Variants in AKR7A2 observed in about 807,000 individuals in gnomAD.
The protein encoded by AKR7A2 is aldo-keto reductase family 7 member A2.
A neutral mutation model predicts 37.3 loss-of-function variants in AKR7A2; 29 were observed. The ratio of observed to expected loss-of-function variants is 0.78; its 90% CI spans 0.58 to 1.06. The LOEUF (loss-of-function observed/expected upper bound fraction) is 1.06, where lower values mean the gene tolerates loss of function less well. Ranked by LOEUF, AKR7A2 falls within the 50% of genes least tolerant of loss-of-function variation. AKR7A2 has a pLI of 0.00. For synonymous variants in AKR7A2, 228 were observed against 217.8 expected (o/e 1.05, Z -0.41); for missense variants, 529 against 497.9 (o/e 1.06, Z -0.59).
intron 1 of AKR7A2, among the ~76,000 whole-genome samples, chr1:19,309,017 G>T (rs1219169091): frequency 6.6e-6 from 1 of 152,182 alleles, no homozygotes; most frequent in African/African-American, 2.4e-5. Context: ...GCCCAGATGA[G>T]ATGCATGAAG....
In AKR7A2 at chr1:19,304,241, G is replaced by C. The variant is rs758307671; in HGVS notation, c.1064C>G (p.Pro355Arg). 2.5e-6 allele frequency: 4 copies of C among 1,614,018 alleles called. No homozygotes were observed. Among genetic ancestry groups the C allele is most frequent in the Non-Finnish European group, 2.5e-6 (3 of 1,180,024 alleles). The change falls in exon 7 of 7, where the codon CCC (proline) becomes CGC (arginine). Residue 355 changes from proline (P) to arginine (R), a missense_variant. Transcript: ENST00000235835. ...ATGATGGGCCTAGCGGAAGTAGTTGGGACATTCGTGAGCAACCAAATGCCA... is the reference window on the plus strand; with the variant it reads ...ATGATGGGCCTAGCGGAAGTAGTTGCGACATTCGTGAGCAACCAAATGCCA... ...QAWHLVAHECPNYFR is the reference protein window; with the variant it reads ...QAWHLVAHECRNYFR
intron 1 of AKR7A2, among the ~76,000 whole-genome samples, chr1:19,309,093 A>G (rs1188091627): frequency 6.6e-6 from 1 of 152,226 alleles, no homozygotes; most frequent in Non-Finnish European, 1.5e-5. Context: ...GCCAACAAGG[A>G]AGAGCAGGAA....
intron 3 of AKR7A2, chr1:19,307,797 T>A (rs930577474): frequency 2.0e-6 from 1 of 494,530 alleles, no homozygotes; most frequent in Non-Finnish European, 3.7e-6. Flanking sequence ...AAGATGAGAT[T>A]TGGAGACTGG....
In AKR7A2 at chr1:19,311,849, C is replaced by A; in HGVS notation, c.276G>T (p.Gly92=). ...TACCTCTGCAGTCGCCACCGCCCAG[C>A]CCGAGCCCCAGGCCGCCCAGGATGG... ...SETILGGLGL[G]LGGGDCRVKI... is the part of the protein sequence containing the mutation. Residue 92 remains glycine, a synonymous_variant, in exon 1 of 7, where the codon GGG becomes GGT. Transcript: ENST00000235835. 2 of 1,610,488 alleles carry A rather than the reference C, an allele frequency of 1.2e-6. No individual in the cohort carries two copies. Among genetic ancestry groups the A allele is most frequent in the South Asian group, 2.2e-5 (2 of 90,988 alleles).
chr1:19,308,538 C>T lies in AKR7A2; in HGVS notation c.403G>A (p.Val135Met), dbSNP rs6670759. The T allele has an allele frequency of 1.9e-4, 300 of 1,614,228 alleles. No homozygotes were observed. The African/African-American group carries it at 2.9e-3, about 15-fold the overall frequency. ...GGTGCGTGTAGGTAGAAGAGGTCCA[C>T]TTGGGGACACTGCAGCCTCTTCAAT... The part of the protein sequence containing the change: ...TSLKRLQCPQ[V>M]DLFYLHAPDH... The change falls in exon 2 of 7, where the codon GTG (valine) becomes ATG (methionine). Residue 135 changes from valine (V) to methionine (M), a missense_variant. Coordinates refer to ENST00000235835, the MANE Select transcript of AKR7A2 (RefSeq NM_003689.4).
rs771279276 is a variant in AKR7A2 at position 19,308,497 on chromosome 1, C to T, written c.444G>A (p.Pro148=). 2.2e-5 allele frequency: 36 copies of T among 1,614,044 alleles called. No individual in the cohort carries two copies. The African/African-American group carries it at 2.5e-4, about 11-fold the overall frequency. ...FYLHAPDHGT[P]VEETLHACQR... is the part of the protein sequence containing the mutation. ...GGCAGGCATGCAGCGTCTCTTCCAC[C>T]GGGGTGCCGTGGTCAGGTGCGTGTA... The change falls in exon 2 of 7, where the codon CCG becomes CCA. Residue 148 remains proline (P), a synonymous_variant. Transcript: ENST00000235835.
chr1:19,304,394 G>A lies in AKR7A2; in HGVS notation c.919-8C>T. 4 of 1,613,926 alleles carry A rather than the reference G, an allele frequency of 2.5e-6. No individual in the cohort carries two copies. The highest frequency in any genetic ancestry group is 3.4e-6 in the Non-Finnish European group (4 of 1,179,888). On this transcript the variant is annotated splice_region_variant and splice_polypyrimidine_tract_variant and intron_variant, in intron 6 of 6. Coordinates refer to ENST00000235835, the MANE Select transcript of AKR7A2 (RefSeq NM_003689.4). ...CGCGTCCCCGTGGGCACCCTGCAAGGGAGACGGCCAGACTTCAACCCTCTT... is the reference window on the plus strand; with the variant it reads ...CGCGTCCCCGTGGGCACCCTGCAAGAGAGACGGCCAGACTTCAACCCTCTT...
intron 3 of AKR7A2, chr1:19,307,659 T>C: frequency 1.7e-6 from 1 of 581,062 alleles, no homozygotes; most frequent in Non-Finnish European, 3.1e-6. Flanking sequence ...CAAGTAGGTA[T>C]CACAAAATCC....
At chr1:19,309,033 T>C (rs2093767480) in intron 1 of AKR7A2, among the ~76,000 whole-genome samples, 1 of 152,096 alleles carries the variant, frequency 6.6e-6, no homozygotes, top group Admixed American at 6.5e-5. Flanking sequence ...TGAAGCCAAC[T>C]TGGAGACTCC....
At chr1:19,310,510 C>A (rs1024407120) in intron 1 of AKR7A2, among the ~76,000 whole-genome samples, 2 of 152,048 alleles carry the variant, frequency 1.3e-5, no homozygotes, top group Non-Finnish European at 1.5e-5. Context: ...CCAGCCTGGC[C>A]AATATGGTGA....
chr1:19,307,095 A>G lies in AKR7A2; in HGVS notation c.695T>C (p.Leu232Pro), dbSNP rs1558138554. The change falls in exon 5 of 7, where the codon CTG becomes CCG. Residue 232 changes from leucine to proline, a missense_variant. Physicochemically the swap from Leu to Pro is moderately conservative, Grantham distance 98 (BLOSUM62 -3). Transcript: ENST00000235835. ...FYAYNPLAGG[L>P]LTGKYKYEDK... ...CTCATACTTGTACTTGCCAGTCAGC[A>G]GGCCCCCTGCGGGAAGGCAGCAATC... 3 of 1,614,212 alleles carry G rather than the reference A, an allele frequency of 1.9e-6. No individual in the cohort carries two copies. Among genetic ancestry groups the G allele is most frequent in the East Asian group, 2.2e-5 (1 of 44,890 alleles).
chr1:19,306,281 A>G, intron 5 of AKR7A2, 134 bp from the exon 6 acceptor site: 1 of 1,275,504 alleles, frequency 7.8e-7, no homozygotes, highest in African/African-American at 1.5e-5. Flanking sequence ...CTCTCTAGTC[A>G]TAGGTCTCCC....
In AKR7A2 at chr1:19,304,050, C is replaced by T; in HGVS notation, c.*175G>A. 1 of 1,093,568 alleles carries T rather than the reference C, an allele frequency of 9.1e-7. No individual in the cohort carries two copies. The highest frequency in any genetic ancestry group is 1.4e-6 in the Non-Finnish European group (1 of 739,868). The allele number at this position is 1,093,568 out of a possible 1,614,324, so 67.7% of individuals were successfully genotyped here. On this transcript the variant is annotated 3_prime_UTR_variant, in exon 7 of 7. Coordinates refer to ENST00000235835, the MANE Select transcript of AKR7A2 (RefSeq NM_003689.4). ...GGAAGCGCTCAAGTGGGACTCACCC[C>T]CCACCTTTCACAGTGTAAAGTGAAT...
At position 19,304,006 on chromosome 1, in the gene AKR7A2, G is replaced by A. The variant is rs1569682888; in HGVS notation, c.*219C>T. The stretch of plus-strand genomic sequence containing the variant: ...AAGACCTAGGCTACAGCCAGGTCAA[G>A]TGCCTGCTTTATTCAACAGGAAGCG... On this transcript the variant is annotated 3_prime_UTR_variant, in exon 7 of 7. Coordinates refer to ENST00000235835, the MANE Select transcript of AKR7A2 (RefSeq NM_003689.4). 1.4e-6 allele frequency: 1 copy of A among 722,458 alleles called. No individual in the cohort carries two copies. The highest frequency in any genetic ancestry group is 2.3e-6 in the Non-Finnish European group (1 of 431,364). 44.8% of individuals were successfully genotyped at this position (722,458 alleles called of 1,614,324 possible).
At chr1:19,307,538 G>GAA in intron 3 of AKR7A2, 128 bp from the exon 4 acceptor site, 4 of 1,007,258 alleles carry the variant, frequency 4.0e-6, no homozygotes, top group Non-Finnish European at 3.0e-6. Flanking sequence ...ACTACTGTTA[G>GAA]TAGGGGATGG....
chr1:19,310,367 G>T (rs1353161063), intron 1 of AKR7A2, among the ~76,000 whole-genome samples: 1 of 152,112 alleles, frequency 6.6e-6, no homozygotes, highest in Non-Finnish European at 1.5e-5. Flanking sequence ...GGTTAGAGAA[G>T]AAAAACCAAC....
At chr1:19,308,284 C>T (rs1405769872) in intron 2 of AKR7A2, 22 bp from the exon 3 acceptor site, 5 of 1,614,124 alleles carry the variant, frequency 3.1e-6, no homozygotes, top group Non-Finnish European at 4.2e-6. Flanking sequence ...AGGCTCCAGT[C>T]AGAACGCAGT....
Position 19,308,263 on chromosome 1 carries a change from C to G in AKR7A2, c.487-1G>C, listed in dbSNP as rs370412117. 10 of 1,614,062 alleles carry G rather than the reference C, an allele frequency of 6.2e-6. No homozygotes were observed. Among genetic ancestry groups the G allele is most frequent in the Non-Finnish European group, 8.5e-6 (10 of 1,180,026 alleles). ...AGAGGCCAAGCTCCACGAACTTGCC[C>G]TGCATGGGTGAGGCTCCAGTCAGAA... On this transcript the variant is annotated splice_acceptor_variant, in intron 2 of 6. Transcript: ENST00000235835. LOFTEE classifies it high-confidence loss of function.
At chr1:19,306,814 C>T (rs1428531485) in intron 5 of AKR7A2, among the ~76,000 whole-genome samples, 188 bp downstream of exon 5, 1 of 152,172 alleles carries the variant, frequency 6.6e-6, no homozygotes, top group African/African-American at 2.4e-5. Context: ...TCCAGGGATC[C>T]TCATTTCCCC....
Sources: allele counts gnomAD v4.1 joint callset (sites outside exome capture counted in the v4.1 genomes callset), GRCh38; gene constraint gnomAD v4.1.1; transcripts MANE v1.5; gene names NCBI Gene and HGNC (gene_info 2026-07-23, HGNC 2026-07-21).